The following LRMDA variants were observed in gnomAD, a reference collection of about 807,000 sequenced individuals.
LRMDA encodes leucine-rich melanocyte differentiation-associated protein.
A neutral mutation model predicts 29.8 loss-of-function variants in LRMDA; 18 were observed. The ratio of observed to expected loss-of-function variants is 0.60; its 90% CI spans 0.42 to 0.90. LRMDA has a LOEUF of 0.90. Among genes scored for constraint, LRMDA ranks in the 40% least tolerant of loss-of-function variants. The pLI is 0.00. For missense variants in LRMDA, 273 were observed against 273.9 expected, an observed-to-expected ratio of 1.00 and a Z score of 0.02; for synonymous variants, 125 against 109.4, an observed-to-expected ratio of 1.14 and a Z score of -0.89.
chr10:75,733,824 G>T (rs139422536), intron 2 of LRMDA, among the ~76,000 whole-genome samples: 67 of 152,298 alleles, frequency 4.4e-4, no homozygotes, highest in African/African-American at 1.6e-3. Flanking sequence ...AGATGTTGGG[G>T]ATAATGACAG....
intron 2 of LRMDA, among the ~76,000 whole-genome samples, chr10:75,686,136 G>A (rs976564548): frequency 6.6e-6 from 1 of 152,202 alleles, no homozygotes; most frequent in Non-Finnish European, 1.5e-5. Flanking sequence ...GTAGAGAGGT[G>A]TGAAAGGGGC....
chr10:76,476,196 A>G (rs1564552086), intron 6 of LRMDA, among the ~76,000 whole-genome samples: 1 of 152,194 alleles, frequency 6.6e-6, no homozygotes, highest in Non-Finnish European at 1.5e-5. Flanking sequence ...AAATAGACGC[A>G]ATAAAAAATG....
chr10:76,114,471 G>T (rs78079916), intron 5 of LRMDA, among the ~76,000 whole-genome samples: 1,624 of 152,264 alleles, frequency 0.011, 36 homozygotes, highest in African/African-American at 0.037. Context: ...AAGTGAAAAA[G>T]GGCCCATCCT....
chr10:76,148,936 A>G (rs375647986), intron 5 of LRMDA, among the ~76,000 whole-genome samples: 10 of 152,286 alleles, frequency 6.6e-5, no homozygotes, highest in African/African-American at 2.4e-4. Context: ...CTGAGTCTTT[A>G]GTTATGCATA....
At chr10:75,914,309 C>A (rs188544124) in intron 2 of LRMDA, among the ~76,000 whole-genome samples, 13 of 152,140 alleles carry the variant, frequency 8.5e-5, no homozygotes, top group African/African-American at 3.1e-4. Context: ...GGTATTTTGC[C>A]TCTCCTATTC....
At chr10:75,941,559 A>G (rs1418371509) in intron 2 of LRMDA, among the ~76,000 whole-genome samples, 1 of 152,178 alleles carries the variant, frequency 6.6e-6, no homozygotes, top group East Asian at 1.9e-4. Context: ...TCTCACTGGC[A>G]TGGTGCCATC....
chr10:76,018,766 C>T (rs1469291555), intron 2 of LRMDA, among the ~76,000 whole-genome samples: 1 of 151,994 alleles, frequency 6.6e-6, no homozygotes, highest in Non-Finnish European at 1.5e-5. Flanking sequence ...CAGGGTTTCG[C>T]CATGTTGGCC....
chr10:75,911,654 G>C (rs1187869543), intron 2 of LRMDA, among the ~76,000 whole-genome samples: 1 of 152,132 alleles, frequency 6.6e-6, no homozygotes, highest in Non-Finnish European at 1.5e-5. Context: ...CAGGAGTTGG[G>C]GTAGTAAGTT....
rs552501940 is a variant in LRMDA at position 76,145,915 on chromosome 10, A to G, written c.516+87132A>G. On this transcript the variant is annotated intron_variant, in intron 5 of 6. Coordinates refer to ENST00000611255, the MANE Select transcript of LRMDA (RefSeq NM_001305581.2). ...GTCTTTGTTCTCATTGGTTTCAAAG[A>G]ACATCTTTATTTCTGCCTTCATTTT... Among the ~76,000 whole-genome samples the G allele has an allele frequency of 8.7e-3, 1,308 of 150,712 alleles. 18 individuals are homozygous for G. The highest frequency in any genetic ancestry group is 0.031 in the African/African-American group (1,252 of 40,646).
chr10:75,841,648 G>A (rs539505096), intron 2 of LRMDA, among the ~76,000 whole-genome samples: 2 of 152,226 alleles, frequency 1.3e-5, no homozygotes, highest in Non-Finnish European at 2.9e-5. Flanking sequence ...CAGTTCAGCT[G>A]CTTTGAGATC....
chr10:75,591,977 G>C (rs1186559911), intron 2 of LRMDA, among the ~76,000 whole-genome samples: 1 of 151,954 alleles, frequency 6.6e-6, no homozygotes, highest in Non-Finnish European at 1.5e-5. Flanking sequence ...GGTGGGGGTG[G>C]TATGGAGGAG....
chr10:75,570,063 A>T (rs1390104039), intron 2 of LRMDA, among the ~76,000 whole-genome samples: 1 of 152,196 alleles, frequency 6.6e-6, no homozygotes, highest in Non-Finnish European at 1.5e-5. Context: ...TCAGTTTAAA[A>T]AGTGCTGTTT....
intron 2 of LRMDA, among the ~76,000 whole-genome samples, chr10:75,600,294 A>G (rs529739143): frequency 6.6e-6 from 1 of 152,170 alleles, no homozygotes. Context: ...AATCTGAAAC[A>G]GCTTAGAGGA....
intron 2 of LRMDA, among the ~76,000 whole-genome samples, chr10:75,921,460 A>G (rs933972338): frequency 6.6e-6 from 1 of 152,190 alleles, no homozygotes; most frequent in Non-Finnish European, 1.5e-5. Flanking sequence ...TAGCCTTCAA[A>G]TAGGGAAGCT....
intron 2 of LRMDA, among the ~76,000 whole-genome samples, chr10:75,931,785 C>T (rs1050508756): frequency 6.6e-6 from 1 of 152,188 alleles, no homozygotes; most frequent in Admixed American, 6.5e-5. Flanking sequence ...CTGGGGAAGT[C>T]CTGTCCATGG....
intron 2 of LRMDA, among the ~76,000 whole-genome samples, chr10:75,492,910 T>G (rs1203202420): frequency 6.6e-6 from 1 of 152,216 alleles, no homozygotes; most frequent in East Asian, 1.9e-4. Flanking sequence ...TTAATACATT[T>G]AAAAGCTTCA....
rs1589262472 is a variant in LRMDA, at chr10:75,946,054, A to T, written c.132-89954A>T. Among the ~76,000 whole-genome samples, 2 of 152,326 alleles carry T rather than the reference A, an allele frequency of 1.3e-5. 1 individual carries two copies. Among genetic ancestry groups the T allele is most frequent in the South Asian group, 4.1e-4 (2 of 4,828 alleles). ...CTCAGATGCACTGGCTAGGATTCCC[A>T]TGGGAGACATCAGAGAATAACCCCT... On this transcript the variant is annotated intron_variant, in intron 2 of 6. Transcript: ENST00000611255.
intron 2 of LRMDA, among the ~76,000 whole-genome samples, chr10:76,008,429 A>AC (rs1847713188): frequency 6.6e-6 from 1 of 152,080 alleles, no homozygotes; most frequent in Non-Finnish European, 1.5e-5. Context: ...TGCCTGCTGC[A>AC]CCCTTTCTCC....
intron 6 of LRMDA, among the ~76,000 whole-genome samples, chr10:76,542,418 G>A (rs963608931): frequency 6.6e-6 from 1 of 152,012 alleles, no homozygotes; most frequent in Non-Finnish European, 1.5e-5. Flanking sequence ...TGGAATTTTA[G>A]GGTCTGGGAT....
Sources: allele counts gnomAD v4.1 joint callset (sites outside exome capture counted in the v4.1 genomes callset), GRCh38; gene constraint gnomAD v4.1.1; transcripts MANE v1.5; gene names NCBI Gene and HGNC (gene_info 2026-07-23, HGNC 2026-07-21).